The following DENND5B variants were observed in gnomAD, a reference collection of about 807,000 sequenced individuals.
The protein encoded by DENND5B is DENN domain containing 5B, also known as DENN domain-containing protein 5B.
In DENND5B, 34 loss-of-function variants were observed where a neutral mutation model predicts 140.6. The observed-to-expected ratio is 0.24, with a 90% CI of 0.18 to 0.32. The LOEUF (loss-of-function observed/expected upper bound fraction) is 0.32. Ranked by LOEUF, DENND5B falls within the 10% of genes least tolerant of loss-of-function variation. The probability of loss-of-function intolerance (pLI) is 1.00; values close to 1 mark genes in which losing one functional copy is unlikely to be tolerated. For missense variants in DENND5B, 1,142 were observed against 1,560.2 expected, an observed-to-expected ratio of 0.73 and a Z score of 4.52; for synonymous variants, 551 against 562.1, an observed-to-expected ratio of 0.98 and a Z score of 0.28.
intron 7 of DENND5B, among the ~76,000 whole-genome samples, chr12:31,437,978 A>G (rs1307644417): frequency 6.6e-6 from 1 of 152,160 alleles, no homozygotes; most frequent in Non-Finnish European, 1.5e-5. Context: ...ACTTTCTAGT[A>G]TTCCAGATTT....
chr12:31,447,715 T>C lies in DENND5B; in HGVS notation c.1684A>G (p.Ile562Val). The C allele has an allele frequency of 6.2e-7, 1 of 1,611,152 alleles. No individual in the cohort carries two copies. Among genetic ancestry groups the C allele is most frequent in the Non-Finnish European group, 8.5e-7 (1 of 1,178,574 alleles). The change falls in exon 6 of 21, where the codon ATT becomes GTT. Residue 562 changes from isoleucine (I) to valine (V), a missense_variant. Physicochemically the swap from Ile to Val is conservative, Grantham distance 29. Coordinates refer to ENST00000389082, the MANE Select transcript of DENND5B (RefSeq NM_144973.4). ...EPYLPFLSRF[I>V]ETQMFATFID... Reference sequence around the variant, plus strand: ...AAGGTGGCAAACATCTGTGTTTCAATGAAGCGTGAAAGAAATGGCAGGTAA... The same window carrying C: ...AAGGTGGCAAACATCTGTGTTTCAACGAAGCGTGAAAGAAATGGCAGGTAA...
intron 20 of DENND5B, 92 bp from the exon 21 acceptor site, chr12:31,387,878 G>C: frequency 7.8e-7 from 1 of 1,288,814 alleles, no homozygotes; most frequent in Non-Finnish European, 1.1e-6. Context: ...GGAAGGTGTG[G>C]GACTTGATGG....
chr12:31,469,602 AC>A, intron 3 of DENND5B, among the ~76,000 whole-genome samples: 1 of 152,056 alleles, frequency 6.6e-6, no homozygotes, highest in African/African-American at 2.4e-5. Flanking sequence ...GTGTTGGGGA[AC>A]CCCTGATTTT....
intron 13 of DENND5B, among the ~76,000 whole-genome samples, chr12:31,409,801 C>T (rs1468150159): frequency 6.6e-6 from 1 of 151,566 alleles, no homozygotes; most frequent in Admixed American, 6.6e-5. Context: ...TTGTTTCTTT[C>T]CCATTATGTC....
At chr12:31,588,250 T>G (rs1445321769) in intron 1 of DENND5B, among the ~76,000 whole-genome samples, 1 of 152,144 alleles carries the variant, frequency 6.6e-6, no homozygotes, top group Non-Finnish European at 1.5e-5. Context: ...TCTGTTCAAA[T>G]GTCACCCTCC....
chr12:31,545,628 A>G (rs761060811), intron 1 of DENND5B, among the ~76,000 whole-genome samples: 4 of 152,176 alleles, frequency 2.6e-5, no homozygotes, highest in East Asian at 1.9e-4. Flanking sequence ...TGAAAAGTAC[A>G]TATTTCAAAT....
At chr12:31,578,290 T>C (rs1040281246) in intron 1 of DENND5B, among the ~76,000 whole-genome samples, 1 of 152,190 alleles carries the variant, frequency 6.6e-6, no homozygotes, top group East Asian at 1.9e-4. Flanking sequence ...GAGAAAAGTA[T>C]CTAGAAACAA....
intron 2 of DENND5B, among the ~76,000 whole-genome samples, chr12:31,482,348 C>T (rs200030635): frequency 6.6e-6 from 1 of 152,200 alleles, no homozygotes; most frequent in East Asian, 1.9e-4. Context: ...TAATAGGCAA[C>T]TCAAACTTAC....
chr12:31,560,187 G>A (rs1168773965), intron 1 of DENND5B, among the ~76,000 whole-genome samples: 4 of 152,110 alleles, frequency 2.6e-5, no homozygotes, highest in Non-Finnish European at 4.4e-5. Context: ...TATCTTACAG[G>A]TGTCTCAAAC....
chr12:31,507,255 G>T (rs1947239298), intron 1 of DENND5B, among the ~76,000 whole-genome samples: 2 of 151,890 alleles, frequency 1.3e-5, no homozygotes, highest in Admixed American at 6.6e-5. Context: ...TCCCGCCTCA[G>T]CCTTCCTTGT....
chr12:31,496,430 A>C (rs1349531609), intron 1 of DENND5B, among the ~76,000 whole-genome samples: 1 of 152,210 alleles, frequency 6.6e-6, no homozygotes, highest in Non-Finnish European at 1.5e-5. Context: ...CAGAATTAGA[A>C]ACATCATTGC....
At chr12:31,507,559 A>G (rs1432941628) in intron 1 of DENND5B, among the ~76,000 whole-genome samples, 4 of 152,188 alleles carry the variant, frequency 2.6e-5, no homozygotes. Flanking sequence ...CTCTGATAAT[A>G]AGGAATAAAC....
chr12:31,571,627 T>C (rs893144627), intron 1 of DENND5B, among the ~76,000 whole-genome samples: 124 of 152,310 alleles, frequency 8.1e-4, no homozygotes, highest in Non-Finnish European at 1.6e-3. Flanking sequence ...ATTTTTTTTT[T>C]TGTTTTTTTG....
At chr12:31,559,911 T>C (rs566396565) in intron 1 of DENND5B, among the ~76,000 whole-genome samples, 1 of 152,286 alleles carries the variant, frequency 6.6e-6, no homozygotes, top group South Asian at 2.1e-4. Flanking sequence ...GCCTTCCTTC[T>C]TTACTGTTCT....
intron 1 of DENND5B, among the ~76,000 whole-genome samples, chr12:31,569,345 G>A (rs1158142859): frequency 6.6e-6 from 1 of 152,144 alleles, no homozygotes; most frequent in Non-Finnish European, 1.5e-5. Context: ...TTACAGGTAT[G>A]AGCCACCACG....
intron 4 of DENND5B, among the ~76,000 whole-genome samples, chr12:31,457,875 G>A (rs1483584636): frequency 2.0e-5 from 3 of 151,604 alleles, no homozygotes; most frequent in Non-Finnish European, 4.4e-5. Flanking sequence ...CACCACGCCC[G>A]GCTATTTTTT....
At chr12:31,468,751 G>C (rs750558877) in intron 3 of DENND5B, among the ~76,000 whole-genome samples, 1 of 152,134 alleles carries the variant, frequency 6.6e-6, no homozygotes, top group Admixed American at 6.5e-5. Context: ...GGTCAAGACT[G>C]CAGTGAGCCT....
At position 31,456,051 on chromosome 12, in the gene DENND5B, C is replaced by T. The variant is rs572875395; in HGVS notation, c.1093-3575G>A. Among the ~76,000 whole-genome samples, 6 of 137,806 alleles carry T rather than the reference C, an allele frequency of 4.4e-5. No individual in the cohort carries two copies. The South Asian group carries it at 9.4e-4, about 22-fold the overall frequency. The allele number at this position is 137,806 out of a possible 152,430, so 90.4% of individuals were successfully genotyped here. On this transcript the variant is annotated intron_variant, in intron 4 of 20. Coordinates refer to ENST00000389082, the MANE Select transcript of DENND5B (RefSeq NM_144973.4). ...AAACAACAACAACAACAAAAGTGGC[C>T]GGGCACAGTGGCTCATGCCTGTAAT... is the stretch of plus-strand genomic sequence containing the variant.
intron 1 of DENND5B, among the ~76,000 whole-genome samples, chr12:31,584,202 C>T (rs1950310006): frequency 6.6e-6 from 1 of 152,194 alleles, no homozygotes; most frequent in Non-Finnish European, 1.5e-5. Flanking sequence ...ACTTGTACTC[C>T]TCCAGCCTCC....
Sources: allele counts gnomAD v4.1 joint callset (sites outside exome capture counted in the v4.1 genomes callset), GRCh38; gene constraint gnomAD v4.1.1; transcripts MANE v1.5; gene names NCBI Gene and HGNC (gene_info 2026-07-23, HGNC 2026-07-21).